MON2: variants seen among roughly 807,000 people sequenced by gnomAD.
MON2 encodes the protein protein MON2 homolog.
A neutral mutation model predicts 208.6 loss-of-function variants in MON2; 84 were observed. The observed-to-expected ratio is 0.40, with a 90% CI of 0.34 to 0.48. The LOEUF (loss-of-function observed/expected upper bound fraction) is 0.48, where lower values mean the gene tolerates loss of function less well. Among genes scored for constraint, MON2 ranks in the 20% least tolerant of loss-of-function variants. MON2 has a pLI of 0.59. For synonymous variants in MON2, 660 were observed against 694.0 expected, an observed-to-expected ratio of 0.95 and a Z score of 0.77; for missense variants, 1,611 against 2,015.4, an observed-to-expected ratio of 0.80 and a Z score of 3.84.
At chr12:62,579,875 T>C (rs779439750) in intron 31 of MON2, among the ~76,000 whole-genome samples, 29 of 152,368 alleles carry the variant, frequency 1.9e-4, no homozygotes, top group Non-Finnish European at 3.8e-4. Flanking sequence ...ATAAACTATT[T>C]GACAAAAATG....
chr12:62,580,237 A>G, intron 31 of MON2, 60 bp from the exon 32 acceptor site: 2 of 1,511,354 alleles, frequency 1.3e-6, no homozygotes, highest in Middle Eastern at 1.9e-4. Flanking sequence ...TTTACTCTAG[A>G]AATTATTTTA....
At chr12:62,505,858 T>C (rs2071074056) in intron 7 of MON2, among the ~76,000 whole-genome samples, 1 of 152,084 alleles carries the variant, frequency 6.6e-6, no homozygotes, top group Non-Finnish European at 1.5e-5. Flanking sequence ...ACCACTGCAC[T>C]CCAGCCCGGG....
At chr12:62,535,412 A>G (rs2072919144) in intron 13 of MON2, 113 bp from the exon 14 acceptor site, 2 of 827,282 alleles carry the variant, frequency 2.4e-6, no homozygotes, top group African/African-American at 1.7e-5. Flanking sequence ...ATATTTTGAC[A>G]ATATTTTTGT....
At chr12:62,471,312 A>G (rs139561486) in intron 1 of MON2, among the ~76,000 whole-genome samples, 6,710 of 152,140 alleles carry the variant, frequency 0.044, 215 homozygotes, top group Non-Finnish European at 0.059. Context: ...CCTCCTGAGT[A>G]CCTGGGATCA....
Position 62,594,657 on chromosome 12 carries a change from TA to T in MON2, c.*1912del, listed in dbSNP as rs2075484589. 1 of 152,214 alleles carries T rather than the reference TA, an allele frequency of 6.6e-6. No individual in the cohort carries two copies. The highest frequency in any genetic ancestry group is 2.1e-4 in the South Asian group (1 of 4,834). The allele number at this position is 152,214 out of a possible 1,614,324, so 9.4% of individuals were successfully genotyped here. A position where few individuals can be genotyped will look rare whatever the true frequency, so the allele number is the denominator to read the frequency against. On this transcript the variant is annotated 3_prime_UTR_variant, in exon 35 of 35. Transcript: ENST00000393630. ...AGGAAAATGGTCTGTTCTTGAGAAA[TA>T]AAAGATCAGTTGCAATTAGGATAAT...
At chr12:62,467,724 T>A (rs2068586102) in intron 1 of MON2, among the ~76,000 whole-genome samples, 1 of 152,228 alleles carries the variant, frequency 6.6e-6, no homozygotes, top group Non-Finnish European at 1.5e-5. Flanking sequence ...TATCACTGAA[T>A]TGGAAACAAT....
intron 26 of MON2, among the ~76,000 whole-genome samples, chr12:62,562,980 T>C (rs988005322): frequency 1.3e-5 from 2 of 152,160 alleles, no homozygotes; most frequent in African/African-American, 4.8e-5. Flanking sequence ...ATTATCTGCT[T>C]TCTGTATGTG....
At position 62,498,907 on chromosome 12, in the gene MON2, TTG is replaced by T; in HGVS notation, c.436-8_436-7del. 6.3e-7 allele frequency: 1 copy of T among 1,585,592 alleles called. No individual in the cohort carries two copies. Among genetic ancestry groups the T allele is most frequent in the Non-Finnish European group, 8.6e-7 (1 of 1,168,204 alleles). On this transcript the variant is annotated splice_polypyrimidine_tract_variant and intron_variant, in intron 4 of 34. Transcript: ENST00000393630. Reference sequence around the variant, plus strand: ...AATCTTATTTCACACTAAATGAAAATTGTGTTTTCAGGCAATCGTTCTTTGTT... The same window carrying T: ...AATCTTATTTCACACTAAATGAAAATTGTTTTCAGGCAATCGTTCTTTGTT...
intron 30 of MON2, among the ~76,000 whole-genome samples, chr12:62,572,575 A>G (rs868699161): frequency 2.6e-4 from 40 of 152,150 alleles, no homozygotes; most frequent in African/African-American, 9.4e-4. Context: ...CCTCCTGAGT[A>G]GCTGGGACCA....
chr12:62,524,374 C>T, intron 8 of MON2, 141 bp from the exon 9 acceptor site: 1 of 607,336 alleles, frequency 1.6e-6, no homozygotes, highest in South Asian at 2.5e-5. Context: ...TTCTCTGTTT[C>T]TCCACTCCCC....
At chr12:62,540,885 A>C (rs1198249986) in intron 19 of MON2, among the ~76,000 whole-genome samples, 1 of 152,240 alleles carries the variant, frequency 6.6e-6, no homozygotes, top group Non-Finnish European at 1.5e-5. Flanking sequence ...ATAAATATGC[A>C]GATATTAAAA....
chr12:62,588,032 C>G (rs1214294446), intron 33 of MON2, 42 bp from the exon 34 acceptor site: 2 of 1,370,974 alleles, frequency 1.5e-6, no homozygotes, highest in Non-Finnish European at 2.1e-6. Context: ...TACCTGGCAA[C>G]TTTAAAATCT....
intron 32 of MON2, among the ~76,000 whole-genome samples, chr12:62,584,838 C>A (rs1299929299): frequency 6.6e-6 from 1 of 151,566 alleles, no homozygotes; most frequent in African/African-American, 2.4e-5. Flanking sequence ...GAGCAACTGC[C>A]GGACTGGAGC....
At chr12:62,524,269 C>T (rs1476417082) in intron 8 of MON2, among the ~76,000 whole-genome samples, 4 of 152,020 alleles carry the variant, frequency 2.6e-5, no homozygotes, top group South Asian at 2.1e-4. Flanking sequence ...AAGGATTAAC[C>T]GTATTAGCAG....
At chr12:62,491,075 C>T (rs1161997589) in intron 2 of MON2, among the ~76,000 whole-genome samples, 1 of 152,098 alleles carries the variant, frequency 6.6e-6, no homozygotes, top group Non-Finnish European at 1.5e-5. Flanking sequence ...GTTCATGGTT[C>T]TTCATGTTAT....
At chr12:62,575,277 A>C (rs1222820424) in intron 30 of MON2, among the ~76,000 whole-genome samples, 1 of 152,266 alleles carries the variant, frequency 6.6e-6, no homozygotes, top group East Asian at 1.9e-4. Context: ...TTTATTGGTC[A>C]GTTGATACTA....
intron 32 of MON2, among the ~76,000 whole-genome samples, chr12:62,583,775 C>A (rs2075089363): frequency 6.7e-6 from 1 of 149,998 alleles, no homozygotes; most frequent in Non-Finnish European, 1.5e-5. Context: ...ACAGTGAAAC[C>A]CTGTCTCTAC....
At chr12:62,572,851 A>G (rs1033949901) in intron 30 of MON2, among the ~76,000 whole-genome samples, 3 of 152,206 alleles carry the variant, frequency 2.0e-5, no homozygotes, top group East Asian at 1.9e-4. Flanking sequence ...GAAGCCACTT[A>G]AATTATGGAT....
intron 19 of MON2, among the ~76,000 whole-genome samples, chr12:62,540,833 C>T (rs1330593349): frequency 2.6e-5 from 4 of 151,964 alleles, no homozygotes; most frequent in Non-Finnish European, 4.4e-5. Flanking sequence ...TAGATGGAGG[C>T]TATAAAAAGT....
Sources: allele counts gnomAD v4.1 joint callset (sites outside exome capture counted in the v4.1 genomes callset), GRCh38; gene constraint gnomAD v4.1.1; transcripts MANE v1.5; gene names NCBI Gene and HGNC (gene_info 2026-07-23, HGNC 2026-07-21).